Variants in PALLD observed in about 807,000 individuals in gnomAD.
The protein encoded by PALLD is palladin.
A neutral mutation model predicts 123.5 loss-of-function variants in PALLD; 61 were observed. The ratio of observed to expected loss-of-function variants is 0.49; its 90% CI spans 0.40 to 0.61. The LOEUF (loss-of-function observed/expected upper bound fraction) is 0.61, where lower values mean the gene tolerates loss of function less well. Among genes scored for constraint, PALLD ranks in the 20% least tolerant of loss-of-function variants. PALLD has a pLI of 0.00. For synonymous variants in PALLD, 465 were observed against 496.4 expected, an observed-to-expected ratio of 0.94 and a Z score of 0.84; for missense variants, 1,273 against 1,377.0, an observed-to-expected ratio of 0.92 and a Z score of 1.20.
At chr4:168,725,441 C>CA (rs1786454656) in intron 10 of PALLD, among the ~76,000 whole-genome samples, 1 of 138,798 alleles carries the variant, frequency 7.2e-6, no homozygotes, top group Non-Finnish European at 1.6e-5. Context: ...ATGTTTGAAA[C>CA]AAAAAAACCC....
chr4:168,745,000 G>A (rs1215282950), intron 10 of PALLD, among the ~76,000 whole-genome samples: 2 of 152,116 alleles, frequency 1.3e-5, no homozygotes, highest in Non-Finnish European at 2.9e-5. Flanking sequence ...CTAAGTCAAG[G>A]AGCATCTGTA....
chr4:168,822,218 T>G (rs916932053), intron 10 of PALLD, among the ~76,000 whole-genome samples: 10 of 151,230 alleles, frequency 6.6e-5, no homozygotes, highest in Non-Finnish European at 1.3e-4. Context: ...ATAATGAACC[T>G]AGCTTAGGAA....
At chr4:168,702,520 C>T (rs1441064007) in intron 8 of PALLD, among the ~76,000 whole-genome samples, 1 of 152,122 alleles carries the variant, frequency 6.6e-6, no homozygotes, top group African/African-American at 2.4e-5. Flanking sequence ...CACCATTGCA[C>T]TCCAGCCTGG....
intron 10 of PALLD, among the ~76,000 whole-genome samples, chr4:168,887,258 T>C (rs928845180): frequency 6.6e-6 from 1 of 152,200 alleles, no homozygotes; most frequent in Non-Finnish European, 1.5e-5. Context: ...TATGGAATGT[T>C]CCAGAGCAGT....
chr4:168,724,813 G>T (rs1786384290), intron 10 of PALLD, among the ~76,000 whole-genome samples: 1 of 152,150 alleles, frequency 6.6e-6, no homozygotes, highest in Admixed American at 6.5e-5. Context: ...GATGATACTG[G>T]CTCCTCTTGC....
chr4:168,696,539 A>G (rs1056139185), intron 8 of PALLD, among the ~76,000 whole-genome samples: 1 of 152,114 alleles, frequency 6.6e-6, no homozygotes, highest in African/African-American at 2.4e-5. Context: ...TGAATGATAT[A>G]GAAAAAAACA....
intron 2 of PALLD, among the ~76,000 whole-genome samples, chr4:168,554,571 A>G (rs6858282): frequency 0.046 from 7,032 of 152,306 alleles, 193 homozygotes; most frequent in South Asian, 0.15. Flanking sequence ...AAAAGCGACT[A>G]TTATTATTTA....
intron 10 of PALLD, among the ~76,000 whole-genome samples, chr4:168,738,576 G>A (rs1209415304): frequency 2.1e-5 from 3 of 143,582 alleles, no homozygotes; most frequent in Non-Finnish European, 3.1e-5. Flanking sequence ...GATTATAGGC[G>A]TGTACTACCA....
chr4:168,542,447 C>T (rs890084418), intron 2 of PALLD, among the ~76,000 whole-genome samples: 2 of 151,512 alleles, frequency 1.3e-5, no homozygotes, highest in African/African-American at 2.4e-5. Context: ...AAAACTGCTG[C>T]ACCCTATTAA....
intron 10 of PALLD, among the ~76,000 whole-genome samples, chr4:168,807,527 G>A (rs1161006848): frequency 2.0e-5 from 3 of 151,374 alleles, no homozygotes; most frequent in Non-Finnish European, 4.4e-5. Flanking sequence ...CTACTGCCTC[G>A]GCCTCCTGAA....
At chr4:168,816,816 CCGTGTGTG>C (rs1208036428) in intron 10 of PALLD, among the ~76,000 whole-genome samples, 2 of 122,776 alleles carry the variant, frequency 1.6e-5, no homozygotes, top group Non-Finnish European at 3.3e-5. Context: ...GGAGCTAGCC[CCGTGTGTG>C]TGTGTGTGTG....
chr4:168,692,783 AT>A (rs1330595965), intron 8 of PALLD, among the ~76,000 whole-genome samples: 2 of 152,246 alleles, frequency 1.3e-5, no homozygotes, highest in Admixed American at 1.3e-4. Flanking sequence ...AGCTTTTGAC[AT>A]TGCGTTTTGG....
chr4:168,552,505 C>T (rs1449234652), intron 2 of PALLD, among the ~76,000 whole-genome samples: 1 of 152,164 alleles, frequency 6.6e-6, no homozygotes, highest in Non-Finnish European at 1.5e-5. Flanking sequence ...CATTAGCTAA[C>T]TTTTCCTGTT....
intron 4 of PALLD, among the ~76,000 whole-genome samples, chr4:168,681,703 C>A (rs536608151): frequency 1.3e-5 from 2 of 151,974 alleles, no homozygotes; most frequent in South Asian, 2.1e-4. Flanking sequence ...CACCACCACA[C>A]CTGGCTAATC....
intron 10 of PALLD, among the ~76,000 whole-genome samples, chr4:168,715,418 T>C (rs1561438963): frequency 6.6e-6 from 1 of 152,204 alleles, no homozygotes; most frequent in Non-Finnish European, 1.5e-5. Flanking sequence ...AATAGCATTA[T>C]TTCTGCAACT....
At chr4:168,699,403 A>G in intron 8 of PALLD, among the ~76,000 whole-genome samples, 1 of 152,074 alleles carries the variant, frequency 6.6e-6, no homozygotes, top group Non-Finnish European at 1.5e-5. Context: ...TGATACAAGC[A>G]TTACATTTAC....
At chr4:168,832,129 ACGCGGAAT>A in intron 10 of PALLD, 1 of 982,602 alleles carries the variant, frequency 1.0e-6, no homozygotes. Context: ...CTCGCTCCGG[ACGCGGAAT>A]CGGGCAGCAG....
At chr4:168,729,681 C>CA (rs1786960590) in intron 10 of PALLD, among the ~76,000 whole-genome samples, 1 of 152,124 alleles carries the variant, frequency 6.6e-6, no homozygotes, top group Non-Finnish European at 1.5e-5. Flanking sequence ...CCCTTGGTTC[C>CA]TAAGTGCCAT....
At chr4:168,622,069 C>T (rs939808000) in intron 2 of PALLD, among the ~76,000 whole-genome samples, 2 of 152,068 alleles carry the variant, frequency 1.3e-5, no homozygotes, top group Non-Finnish European at 2.9e-5. Flanking sequence ...GCACCAGAGA[C>T]CTGAAGAAGA....
Sources: gnomAD v4.1 joint callset for allele counts (sites outside exome capture counted in the v4.1 genomes callset) on GRCh38, gnomAD v4.1.1 for gene constraint, MANE v1.5 for transcripts, NCBI Gene and HGNC (gene_info 2026-07-23, HGNC 2026-07-21) for gene names.